Variants in TBC1D17 observed in about 807,000 individuals in gnomAD.
TBC1D17 encodes the protein TBC1 domain family member 17, also known as TBC1 domain family, member 17.
A neutral mutation model predicts 78.8 loss-of-function variants in TBC1D17; 69 were observed. That is an observed-to-expected ratio of 0.88 (90% CI 0.72 to 1.07). The LOEUF is 1.07. TBC1D17 is among the 50% of genes least tolerant of loss of function. The probability of loss-of-function intolerance (pLI) is 0.00; values close to 1 mark genes in which losing one functional copy is unlikely to be tolerated. For synonymous variants in TBC1D17, 456 were observed against 358.3 expected, an observed-to-expected ratio of 1.27 and a Z score of -3.08; for missense variants, 957 against 861.0, an observed-to-expected ratio of 1.11 and a Z score of -1.39.
chr19:49,883,615 T>G lies in TBC1D17; in HGVS notation c.1032-36T>G. The stretch of plus-strand genomic sequence containing the variant: ...GGAGGTCTCTGGGTGTTGCAGACAG[T>G]GGCGGCCTCACATCTTGTTTCCCTC... On this transcript the variant is annotated intron_variant, in intron 9 of 16. Transcript: ENST00000221543. 3 of 1,590,068 alleles carry G rather than the reference T, an allele frequency of 1.9e-6. No individual in the cohort carries two copies. In the South Asian group the frequency reaches 3.3e-5, roughly 18 times the overall value.
Position 49,887,535 on chromosome 19 carries a change from A to C in TBC1D17, c.1504A>C (p.Arg502=). ...CFRWLLIWFK[R]EFPFPDVLRL... is the part of the protein sequence containing the mutation. ...CCGGTGGCTGCTCATCTGGTTCAAG[A>C]GGGAATTCCCCTTCCCGGATGTCCT... The change falls in exon 14 of 17, where the codon AGG becomes CGG. Residue 502 remains arginine, a synonymous_variant. Coordinates refer to ENST00000221543, the MANE Select transcript of TBC1D17 (RefSeq NM_024682.3). 1 of 1,614,126 alleles carries C rather than the reference A, an allele frequency of 6.2e-7. No homozygotes were observed. Among genetic ancestry groups the C allele is most frequent in the Non-Finnish European group, 8.5e-7 (1 of 1,180,006 alleles).
rs1244256776 is a variant in TBC1D17 at position 49,888,715 on chromosome 19, A to G, written c.*91A>G. On this transcript the variant is annotated 3_prime_UTR_variant, in exon 17 of 17. Transcript: ENST00000221543. ...AGGTGTGCTCCGCCGCCCTGCTGAT[A>G]AGCTGGCTTCATTAAACTGACACTT... 8.2e-7 allele frequency: 1 copy of G among 1,218,582 alleles called. No individual in the cohort carries two copies. Among genetic ancestry groups the G allele is most frequent in the Non-Finnish European group, 1.1e-6 (1 of 898,966 alleles). The allele number at this position is 1,218,582 out of a possible 1,614,324, so 75.5% of individuals were successfully genotyped here.
At chr19:49,878,024 G>A (rs563628961) in intron 1 of TBC1D17, 119 bp from the exon 2 acceptor site, 284 of 868,176 alleles carry the variant, frequency 3.3e-4, no homozygotes, top group Middle Eastern at 9.2e-4. Flanking sequence ...TGGTCCCGGG[G>A]CAATGGCCCT....
chr19:49,881,744 T>TA (rs1453568607), intron 5 of TBC1D17, among the ~76,000 whole-genome samples: 1 of 152,190 alleles, frequency 6.6e-6, no homozygotes, highest in African/African-American at 2.4e-5. Flanking sequence ...CCCGGCTGGA[T>TA]AGAAGGCACC....
At chr19:49,887,363 C>T in intron 13 of TBC1D17, 113 bp from the exon 14 acceptor site, 2 of 1,107,448 alleles carry the variant, frequency 1.8e-6, no homozygotes, top group Non-Finnish European at 1.3e-6. Flanking sequence ...GGTTCCCCAG[C>T]CAGGCATAAG....
At position 49,880,321 on chromosome 19, in the gene TBC1D17, A is replaced by G. The variant is rs572709837; in HGVS notation, c.238A>G (p.Thr80Ala). ...GDSCASEEEP[T>A]FDPGYEPDWA... ...CTCATGTGCTTCTGAGGAGGAACCA[A>G]CCTTTGACCCCGGCTATGAACCTGA... Residue 80 changes from threonine to alanine, a missense_variant, in exon 4 of 17, where the codon ACC (threonine) becomes GCC (alanine). By Grantham distance (58) the Thr-to-Ala change is moderately conservative. Transcript: ENST00000221543. The G allele has an allele frequency of 2.4e-5, 38 of 1,613,948 alleles. No homozygotes were observed. In the South Asian group the frequency reaches 4.2e-4, roughly 18 times the overall value.
rs2075030411 is a variant in TBC1D17 at position 49,883,095 on chromosome 19, C to T, written c.1031+19C>T. 1 of 1,587,690 alleles carries T rather than the reference C, an allele frequency of 6.3e-7. No homozygotes were observed. Among genetic ancestry groups the T allele is most frequent in the Non-Finnish European group, 8.6e-7 (1 of 1,164,572 alleles). ...AGAAAACGTGAGTTCTCAGGAGGCC[C>T]TGCCCTGCCAGGCATGACACCTGGT... On this transcript the variant is annotated intron_variant, in intron 9 of 16. Transcript: ENST00000221543.
rs1255925179 is a variant in TBC1D17 at position 49,888,664 on chromosome 19, C to G, written c.*40C>G. On this transcript the variant is annotated 3_prime_UTR_variant, in exon 17 of 17. Transcript: ENST00000221543. The stretch of plus-strand genomic sequence containing the variant: ...CTCGTTCTGCACAGGCACTTTAGCC[C>G]GAGCCAGGCACACCTGCGAGGGGGC... 7.3e-6 allele frequency: 11 copies of G among 1,496,818 alleles called. No homozygotes were observed. In the East Asian group the frequency reaches 7.5e-5, roughly 10 times the overall value. The allele number at this position is 1,496,818 out of a possible 1,614,324, so 92.7% of individuals were successfully genotyped here. A position where few individuals can be genotyped will look rare whatever the true frequency, so the allele number is the denominator to read the frequency against.
Position 49,881,305 on chromosome 19 carries a change from C to G in TBC1D17, c.357C>G (p.Phe119Leu), listed in dbSNP as rs1313696001. ...EPSCPQGSWA[F>L]SVSLGELKSI... ...GCTGCCCCCAGGGCTCCTGGGCCTT[C>G]TCAGTGAGTCTGGGGGAGCTAAAGT... Residue 119 changes from phenylalanine (F) to leucine (L), a missense_variant, in exon 5 of 17, where the codon TTC (phenylalanine) becomes TTG (leucine). Coordinates refer to ENST00000221543, the MANE Select transcript of TBC1D17 (RefSeq NM_024682.3). 6.2e-7 allele frequency: 1 copy of G among 1,613,198 alleles called. No individual in the cohort carries two copies.
intron 15 of TBC1D17, 131 bp downstream of exon 15, chr19:49,887,965 TG>T: frequency 1.1e-6 from 1 of 933,260 alleles, no homozygotes. Context: ...GCAGTGGGGG[TG>T]GGGCCGCGTA....
chr19:49,882,866 G>A lies in TBC1D17; in HGVS notation c.901G>A (p.Glu301Lys), dbSNP rs773133509. The A allele has an allele frequency of 1.9e-6, 3 of 1,610,652 alleles. No individual in the cohort carries two copies. The South Asian group carries it at 3.3e-5, about 18-fold the overall frequency. ...TGAAGGTCGCCTGCAGCAGGTCCCT[G>A]AGCTGAAGAACCGGATCTTCTCGGG... ...GPEGRLQQVP[E>K]LKNRIFSGGL... Residue 301 changes from glutamate to lysine, a missense_variant, in exon 8 of 17, where the codon GAG becomes AAG. By Grantham distance (56) the Glu-to-Lys change is moderately conservative. Coordinates refer to ENST00000221543, the MANE Select transcript of TBC1D17 (RefSeq NM_024682.3).
chr19:49,881,762 C>T (rs377416062), intron 5 of TBC1D17, among the ~76,000 whole-genome samples: 2 of 152,302 alleles, frequency 1.3e-5, no homozygotes, highest in East Asian at 3.9e-4. Context: ...ACCTCTTTCC[C>T]CACGTTCCAA....
At chr19:49,878,666 C>T (rs932864828) in intron 3 of TBC1D17, 94 bp downstream of exon 3, 6 of 1,224,854 alleles carry the variant, frequency 4.9e-6, no homozygotes, top group Non-Finnish European at 7.2e-6. Context: ...AATCCCAGAC[C>T]TACTCGTGGG....
chr19:49,880,157 C>G (rs2075000488), intron 3 of TBC1D17, 122 bp from the exon 4 acceptor site: 1 of 1,315,584 alleles, frequency 7.6e-7, no homozygotes, highest in Non-Finnish European at 1.0e-6. Context: ...CGCACCCGGC[C>G]TGCTGTACCT....
chr19:49,888,526 G>GGCCCCCCCCCC lies in TBC1D17; in HGVS notation c.1849_1850insGCCCCCCCCCC (p.Ala617GlyfsTer49). 2 of 1,533,206 alleles carry GGCCCCCCCCCC rather than the reference G, an allele frequency of 1.3e-6. No individual in the cohort carries two copies. The highest frequency in any genetic ancestry group is 1.8e-6 in the Non-Finnish European group (2 of 1,141,148). 95.0% of individuals were successfully genotyped at this position (1,533,206 alleles called of 1,614,324 possible). A position where few individuals can be genotyped will look rare whatever the true frequency, so the allele number is the denominator to read the frequency against. ...CCCGCTGCCTCTGTCGCCCACCCGG[G>GGCCCCCCCCCC]CCCCGCCCACCCCGCCGCCCTCCAC... On this transcript the variant is annotated frameshift_variant, in exon 17 of 17. Transcript: ENST00000221543. LOFTEE classifies it low-confidence loss of function (END_TRUNC).
At position 49,885,014 on chromosome 19, in the gene TBC1D17, G is replaced by A. The variant is rs558581352; in HGVS notation, c.1444+256G>A. On this transcript the variant is annotated intron_variant, in intron 13 of 16. Transcript: ENST00000221543. ...TTGGGCTTTGCCTTTGGCTTAACCTGCAGGGTATTTTTCAGAAATAAGGAC... is the reference window on the plus strand; with the variant it reads ...TTGGGCTTTGCCTTTGGCTTAACCTACAGGGTATTTTTCAGAAATAAGGAC... Among the ~76,000 whole-genome samples, 6 of 152,322 alleles carry A rather than the reference G, an allele frequency of 3.9e-5. No homozygotes were observed. In the South Asian group the frequency reaches 1.0e-3, roughly 26 times the overall value.
intron 10 of TBC1D17, 60 bp from the exon 11 acceptor site, chr19:49,884,193 C>T: frequency 2.7e-6 from 4 of 1,492,610 alleles, no homozygotes; most frequent in Non-Finnish European, 3.7e-6. Context: ...GCACTGGTGG[C>T]CAGCAGGGAT....
intron 3 of TBC1D17, among the ~76,000 whole-genome samples, 156 bp from the exon 4 acceptor site, chr19:49,880,123 G>A (rs973477111): frequency 6.6e-6 from 1 of 152,166 alleles, no homozygotes; most frequent in Non-Finnish European, 1.5e-5. Flanking sequence ...CTCCCAAAGT[G>A]CTGGGATTAC....
At position 49,884,267 on chromosome 19, in the gene TBC1D17, C is replaced by T. The variant is rs142401175; in HGVS notation, c.1141C>T (p.Arg381Cys). Residue 381 changes from arginine to cysteine, a missense_variant, in exon 11 of 17, where the codon CGC becomes TGC. Coordinates refer to ENST00000221543, the MANE Select transcript of TBC1D17 (RefSeq NM_024682.3). ...YRSLIERDVSRTDRTNKFYEG... is the reference protein window; with the variant it reads ...YRSLIERDVSCTDRTNKFYEG... ...GGTCCCCGCAGAAAGGGATGTGAGC[C>T]GCACTGACAGGACCAACAAGTTCTA... 23 of 1,613,884 alleles carry T rather than the reference C, an allele frequency of 1.4e-5. No homozygotes were observed. In the East Asian group the frequency reaches 3.3e-4, roughly 23 times the overall value.
Sources: gnomAD v4.1 joint callset for allele counts (sites outside exome capture counted in the v4.1 genomes callset) on GRCh38, gnomAD v4.1.1 for gene constraint, MANE v1.5 for transcripts, NCBI Gene and HGNC (gene_info 2026-07-23, HGNC 2026-07-21) for gene names.